The following CCSER1 variants were observed in gnomAD, a reference collection of about 807,000 sequenced individuals.
CCSER1 encodes serine-rich coiled-coil domain-containing protein 1.
Under a neutral mutation model 82.0 loss-of-function variants are expected in CCSER1, and 41 were observed. That is an observed-to-expected ratio of 0.50 (90% CI 0.39 to 0.65). CCSER1 has a LOEUF of 0.65. CCSER1 is among the 30% of genes least tolerant of loss of function. The probability of loss-of-function intolerance (pLI) is 0.00; values close to 1 mark genes in which losing one functional copy is unlikely to be tolerated. For missense variants in CCSER1, 1,119 were observed against 1,064.2 expected (o/e 1.05, Z -0.72); for synonymous variants, 414 against 383.9 (o/e 1.08, Z -0.92).
chr4:90,821,655 AATC>A (rs1417752664), intron 8 of CCSER1, among the ~76,000 whole-genome samples: 1 of 152,188 alleles, frequency 6.6e-6, no homozygotes, highest in African/African-American at 2.4e-5. Flanking sequence ...ATGCATACTT[AATC>A]ATAATTAATT....
At chr4:91,076,508 A>T (rs369103057) in intron 9 of CCSER1, among the ~76,000 whole-genome samples, 4 of 152,176 alleles carry the variant, frequency 2.6e-5, no homozygotes, top group South Asian at 4.1e-4. Flanking sequence ...TAAGGATGAA[A>T]GGATGAACTT....
At chr4:90,906,778 G>A (rs72881397) in intron 8 of CCSER1, among the ~76,000 whole-genome samples, 1 of 151,878 alleles carries the variant, frequency 6.6e-6, no homozygotes, top group Non-Finnish European at 1.5e-5. Flanking sequence ...AGTGATGCAA[G>A]GGTTCTGGTT....
At chr4:91,196,470 G>A (rs1735444997) in intron 10 of CCSER1, among the ~76,000 whole-genome samples, 1 of 152,090 alleles carries the variant, frequency 6.6e-6, no homozygotes, top group Non-Finnish European at 1.5e-5. Flanking sequence ...TTCTTTTTAT[G>A]AATATGTTCT....
chr4:90,567,788 A>G (rs1366791781), intron 5 of CCSER1, among the ~76,000 whole-genome samples: 2 of 151,380 alleles, frequency 1.3e-5, no homozygotes, highest in Non-Finnish European at 2.9e-5. Context: ...TGTATTTTAT[A>G]TAGAGACAGA....
chr4:90,273,616 A>G (rs141841390), intron 1 of CCSER1, among the ~76,000 whole-genome samples: 1 of 152,314 alleles, frequency 6.6e-6, no homozygotes, highest in Admixed American at 6.5e-5. Flanking sequence ...TATAGTTAAT[A>G]TAACATGCAA....
intron 1 of CCSER1, among the ~76,000 whole-genome samples, chr4:90,200,559 C>A (rs1737499539): frequency 6.6e-6 from 1 of 151,910 alleles, no homozygotes; most frequent in South Asian, 2.1e-4. Flanking sequence ...CACTTAACTG[C>A]TATGAAGTTA....
intron 10 of CCSER1, among the ~76,000 whole-genome samples, chr4:91,454,150 C>G: frequency 6.6e-6 from 1 of 152,022 alleles, no homozygotes; most frequent in East Asian, 1.9e-4. Context: ...AAAACATTGT[C>G]ACACACTTTC....
rs148001576 is a variant in CCSER1 at position 90,476,021 on chromosome 4, C to CGTGT, written c.1724+7688_1724+7691dup. On this transcript the variant is annotated intron_variant, in intron 5 of 10. Coordinates refer to ENST00000509176, the MANE Select transcript of CCSER1 (RefSeq NM_001145065.2). ...TCCTGGAAATTTTTCCTTCTTTTCTCGTGTGTGTGTGTGTGTGTGTGTGTA... is the reference window on the plus strand; with the variant it reads ...TCCTGGAAATTTTTCCTTCTTTTCTCGTGTGTGTGTGTGTGTGTGTGTGTGTGTA... Among the ~76,000 whole-genome samples, 530 of 148,462 alleles carry CGTGT rather than the reference C, an allele frequency of 3.6e-3. 1 individual carries two copies. Among genetic ancestry groups the CGTGT allele is most frequent in the South Asian group, 6.1e-3 (28 of 4,604 alleles).
intron 5 of CCSER1, among the ~76,000 whole-genome samples, chr4:90,604,728 G>A (rs535349272): frequency 1.1e-4 from 17 of 152,106 alleles, no homozygotes; most frequent in East Asian, 3.9e-4. Flanking sequence ...TTGTAAATGC[G>A]CCAATCAGTG....
At chr4:90,339,645 C>T (rs2153503388) in intron 3 of CCSER1, among the ~76,000 whole-genome samples, 1 of 152,184 alleles carries the variant, frequency 6.6e-6, no homozygotes, top group Non-Finnish European at 1.5e-5. Context: ...AACACCCTTC[C>T]TCCAGATTAC....
intron 1 of CCSER1, among the ~76,000 whole-genome samples, chr4:90,137,001 A>G (rs1290863022): frequency 6.6e-6 from 1 of 152,210 alleles, no homozygotes; most frequent in Non-Finnish European, 1.5e-5. Context: ...AGTTTGTACA[A>G]TAAGATTCTT....
rs569069398 is a variant in CCSER1 at position 91,311,104 on chromosome 4, T to C, written c.2217+225110T>C. Among the ~76,000 whole-genome samples the C allele has an allele frequency of 1.2e-3, 176 of 152,146 alleles. 1 individual carries two copies. The highest frequency in any genetic ancestry group is 4.1e-3 in the African/African-American group (170 of 41,556). On this transcript the variant is annotated intron_variant, in intron 10 of 10. Coordinates refer to ENST00000509176, the MANE Select transcript of CCSER1 (RefSeq NM_001145065.2). ...TTCATTTAACTATTACATGATTCTT[T>C]TGAAATGATGTATTTACAGAAGAAG... is the stretch of plus-strand genomic sequence containing the variant.
chr4:91,239,237 G>C (rs1444685749), intron 10 of CCSER1, among the ~76,000 whole-genome samples: 7 of 109,262 alleles, frequency 6.4e-5, no homozygotes, highest in South Asian at 3.6e-4. Flanking sequence ...ATTTCCCCTA[G>C]ATCACACAGC....
chr4:90,776,079 T>C (rs906058682), intron 7 of CCSER1, among the ~76,000 whole-genome samples: 1 of 152,060 alleles, frequency 6.6e-6, no homozygotes, highest in Non-Finnish European at 1.5e-5. Flanking sequence ...TATCCCCAAA[T>C]ATGGAAAGTA....
chr4:90,513,433 A>C (rs1284351704), intron 5 of CCSER1, among the ~76,000 whole-genome samples: 2 of 152,206 alleles, frequency 1.3e-5, no homozygotes, highest in Admixed American at 6.5e-5. Context: ...GCATGTCAAC[A>C]CTGGAATGTC....
chr4:90,662,000 CTTT>C (rs768964116), intron 6 of CCSER1, among the ~76,000 whole-genome samples: 2 of 136,178 alleles, frequency 1.5e-5, no homozygotes, highest in Non-Finnish European at 1.6e-5. Flanking sequence ...TTCTTTCTTT[CTTT>C]TTTTTTTTTT....
At chr4:90,569,962 A>C (rs1194095163) in intron 5 of CCSER1, among the ~76,000 whole-genome samples, 1 of 152,172 alleles carries the variant, frequency 6.6e-6, no homozygotes, top group Non-Finnish European at 1.5e-5. Flanking sequence ...TTTGCCCCTC[A>C]GAATAGCCAG....
At chr4:91,245,454 T>C (rs999538842) in intron 10 of CCSER1, among the ~76,000 whole-genome samples, 2 of 152,088 alleles carry the variant, frequency 1.3e-5, no homozygotes, top group African/African-American at 2.4e-5. Flanking sequence ...TAGCAGACTT[T>C]TAGTGGAAAC....
At chr4:90,887,865 A>C (rs1722378324) in intron 8 of CCSER1, among the ~76,000 whole-genome samples, 1 of 152,164 alleles carries the variant, frequency 6.6e-6, no homozygotes, top group South Asian at 2.1e-4. Context: ...CTGGCGACAG[A>C]GCAAGACTCC....
Sources: gnomAD v4.1 joint callset for allele counts (sites outside exome capture counted in the v4.1 genomes callset) on GRCh38, gnomAD v4.1.1 for gene constraint, MANE v1.5 for transcripts, NCBI Gene and HGNC (gene_info 2026-07-23, HGNC 2026-07-21) for gene names.